The following BTAF1 variants were observed in gnomAD, a reference collection of about 807,000 sequenced individuals.
BTAF1 encodes the protein TATA-binding protein-associated factor 172.
BTAF1 carries 38 observed loss-of-function variants against 227.1 expected under a neutral mutation model. The ratio of observed to expected loss-of-function variants is 0.17; its 90% CI spans 0.13 to 0.22. BTAF1 has a LOEUF of 0.22. Among genes scored for constraint, BTAF1 ranks in the 10% least tolerant of loss-of-function variants. BTAF1 has a pLI of 1.00. For missense variants in BTAF1, 1,598 were observed against 2,204.0 expected (o/e 0.73, Z 5.51); for synonymous variants, 742 against 751.9 (o/e 0.99, Z 0.21).
intron 14 of BTAF1, among the ~76,000 whole-genome samples, chr10:91,973,564 A>C (rs923511500): frequency 6.6e-6 from 1 of 152,078 alleles, no homozygotes; most frequent in Admixed American, 6.5e-5. Flanking sequence ...TGAGGTGGCT[A>C]CTGCCATTCC....
Position 91,959,894 on chromosome 10 carries a change from A to G in BTAF1, c.1086+14A>G, listed in dbSNP as rs1257708693. The G allele has an allele frequency of 1.2e-6, 2 of 1,603,598 alleles. No individual in the cohort carries two copies. The highest frequency in any genetic ancestry group is 1.7e-6 in the Non-Finnish European group (2 of 1,176,742). ...GTTTCTGATGAAGTAAGTATCATTT[A>G]AGGGAGGCTTTGCCCAATCAAATTT... On this transcript the variant is annotated intron_variant, in intron 10 of 37. Transcript: ENST00000265990.
chr10:91,927,216 A>G (rs1449039771), intron 1 of BTAF1, among the ~76,000 whole-genome samples: 1 of 150,962 alleles, frequency 6.6e-6, no homozygotes, highest in Non-Finnish European at 1.5e-5. Flanking sequence ...TTGACTCACC[A>G]TAACCTCCAC....
chr10:91,976,876 C>A (rs1847736564), intron 14 of BTAF1, among the ~76,000 whole-genome samples: 1 of 152,064 alleles, frequency 6.6e-6, no homozygotes, highest in Admixed American at 6.6e-5. Flanking sequence ...GGAGACTAGA[C>A]AGGAGAAGAC....
chr10:91,966,012 G>A (rs928118332), intron 13 of BTAF1, among the ~76,000 whole-genome samples: 5 of 152,146 alleles, frequency 3.3e-5, no homozygotes, highest in Admixed American at 6.5e-5. Context: ...AATGACTTAC[G>A]AATGTGACAG....
chr10:91,939,154 AGTCATAC>A (rs1232073731), intron 2 of BTAF1, among the ~76,000 whole-genome samples: 2 of 152,156 alleles, frequency 1.3e-5, no homozygotes, highest in Non-Finnish European at 2.9e-5. Context: ...TCATTGTACA[AGTCATAC>A]ACTGCTTCTG....
At chr10:91,939,913 T>C (rs1432821566) in intron 2 of BTAF1, 39 bp from the exon 3 acceptor site, 6 of 1,410,848 alleles carry the variant, frequency 4.3e-6, no homozygotes, top group Non-Finnish European at 6.0e-6. Context: ...GCGCAAACAA[T>C]ATTTTTGTAT....
At chr10:91,928,420 A>T (rs1199295318) in intron 1 of BTAF1, among the ~76,000 whole-genome samples, 2 of 152,142 alleles carry the variant, frequency 1.3e-5, no homozygotes, top group African/African-American at 4.8e-5. Flanking sequence ...ACTCTTTTAA[A>T]CCCTTAGTAA....
At chr10:92,002,185 A>G (rs1849595685) in intron 25 of BTAF1, among the ~76,000 whole-genome samples, 1 of 152,184 alleles carries the variant, frequency 6.6e-6, no homozygotes, top group South Asian at 2.1e-4. Context: ...ATATTAGTGA[A>G]TTTGAAGATA....
At chr10:91,930,320 A>G (rs952552572) in intron 1 of BTAF1, among the ~76,000 whole-genome samples, 1 of 152,208 alleles carries the variant, frequency 6.6e-6, no homozygotes, top group African/African-American at 2.4e-5. Flanking sequence ...GAAATAGCAT[A>G]GCTTGGTTGT....
rs530838510 is a variant in BTAF1, at chr10:92,031,018, G to GT, written c.*2091dup. The stretch of plus-strand genomic sequence containing the variant: ...ATTTCATGGATGTGATGATTTGGTA[G>GT]TTTTTTCAATGTATGGGTGTGGGAA... On this transcript the variant is annotated 3_prime_UTR_variant, in exon 38 of 38. Coordinates refer to ENST00000265990, the MANE Select transcript of BTAF1 (RefSeq NM_003972.3). 4.3e-4 allele frequency among the ~76,000 whole-genome samples: 65 copies of GT among 152,276 alleles called. No homozygotes were observed. The East Asian group carries it at 0.012, about 27-fold the overall frequency.
chr10:92,014,063 A>G (rs754800614), intron 32 of BTAF1, 34 bp downstream of exon 32: 3 of 1,592,066 alleles, frequency 1.9e-6, no homozygotes, highest in Non-Finnish European at 2.6e-6. Flanking sequence ...TGTTAGTGGT[A>G]TGTTTATTAG....
chr10:91,998,276 CAG>C (rs1027866702), intron 25 of BTAF1, among the ~76,000 whole-genome samples: 6 of 152,010 alleles, frequency 3.9e-5, no homozygotes, highest in African/African-American at 1.4e-4. Flanking sequence ...CTTTAACACA[CAG>C]AGTTTTAATT....
intron 20 of BTAF1, among the ~76,000 whole-genome samples, chr10:91,991,708 C>T (rs184457316): frequency 2.1e-3 from 310 of 149,638 alleles, no homozygotes; most frequent in Non-Finnish European, 3.7e-3. Context: ...TGAGCTGAGA[C>T]GGTGGTACTG....
chr10:91,925,511 A>G lies in BTAF1; in HGVS notation c.14+1421A>G, dbSNP rs1449129557. Among the ~76,000 whole-genome samples the G allele has an allele frequency of 3.7e-5, 3 of 81,276 alleles. No homozygotes were observed. In the East Asian group the frequency reaches 1.7e-3, roughly 45 times the overall value. 53.3% of individuals were successfully genotyped at this position (81,276 alleles called of 152,430 possible). On this transcript the variant is annotated intron_variant, in intron 1 of 37. Coordinates refer to ENST00000265990, the MANE Select transcript of BTAF1 (RefSeq NM_003972.3). ...AAGAACCTAATTTTCGGGCAACGCT[A>G]ATCTCTTTTTTTTTTTTTGAGAAGG...
intron 19 of BTAF1, among the ~76,000 whole-genome samples, chr10:91,986,066 T>C (rs1848374462): frequency 6.6e-6 from 1 of 152,182 alleles, no homozygotes. Context: ...TATTCACATA[T>C]GTTTTCTTTT....
chr10:91,961,963 A>G (rs1054291691), intron 11 of BTAF1, among the ~76,000 whole-genome samples: 16 of 152,204 alleles, frequency 1.1e-4, no homozygotes, highest in Non-Finnish European at 1.5e-5. Flanking sequence ...CAGAGAATTC[A>G]TAGTCTTACG....
At chr10:91,926,069 A>G (rs945744775) in intron 1 of BTAF1, among the ~76,000 whole-genome samples, 6 of 152,136 alleles carry the variant, frequency 3.9e-5, no homozygotes, top group Non-Finnish European at 7.3e-5. Context: ...GATAGTGTCA[A>G]TTCTTGACTT....
intron 1 of BTAF1, among the ~76,000 whole-genome samples, chr10:91,931,652 G>A (rs1159504505): frequency 5.3e-5 from 8 of 151,986 alleles, no homozygotes; most frequent in Non-Finnish European, 7.4e-5. Flanking sequence ...TCTGTCTCAC[G>A]TTCTTTTCCT....
chr10:91,982,009 TATC>T, intron 16 of BTAF1, 71 bp from the exon 17 acceptor site: 1 of 1,486,260 alleles, frequency 6.7e-7, no homozygotes, highest in Non-Finnish European at 9.0e-7. Context: ...ATTTTAAAAA[TATC>T]ATATTTTTGT....
Sources: allele counts gnomAD v4.1 joint callset (sites outside exome capture counted in the v4.1 genomes callset), GRCh38; gene constraint gnomAD v4.1.1; transcripts MANE v1.5; gene names NCBI Gene and HGNC (gene_info 2026-07-23, HGNC 2026-07-21).